Variants in CDH18 observed in about 807,000 individuals in gnomAD.
CDH18 encodes cadherin-18.
Under a neutral mutation model 67.9 loss-of-function variants are expected in CDH18, and 31 were observed. That is an observed-to-expected ratio of 0.46 (90% CI 0.34 to 0.62). The LOEUF (loss-of-function observed/expected upper bound fraction) is 0.62. Among genes scored for constraint, CDH18 ranks in the 20% least tolerant of loss-of-function variants. The pLI is 0.01. For missense variants in CDH18, 890 were observed against 975.5 expected, an observed-to-expected ratio of 0.91 and a Z score of 1.17; for synonymous variants, 362 against 347.2, an observed-to-expected ratio of 1.04 and a Z score of -0.48.
intron 1 of CDH18, among the ~76,000 whole-genome samples, chr5:20,260,202 G>T (rs1424949815): frequency 3.3e-5 from 5 of 151,336 alleles, no homozygotes; most frequent in African/African-American, 1.2e-4. Flanking sequence ...CAACACTTCT[G>T]AAATGCTGGA....
intron 2 of CDH18, among the ~76,000 whole-genome samples, chr5:19,903,617 CT>C (rs59678864): frequency 0.047 from 4,213 of 89,932 alleles, 163 homozygotes; most frequent in African/African-American, 0.13. Context: ...AGCAAAGTGG[CT>C]TTTTTTTTTT....
intron 3 of CDH18, among the ~76,000 whole-genome samples, chr5:19,762,989 A>G (rs1467696321): frequency 1.3e-5 from 2 of 152,188 alleles, no homozygotes; most frequent in African/African-American, 4.8e-5. Flanking sequence ...TCAGCAAACT[A>G]TTGCAAGAAC....
At chr5:19,912,059 A>G (rs952609062) in intron 2 of CDH18, among the ~76,000 whole-genome samples, 3 of 152,086 alleles carry the variant, frequency 2.0e-5, no homozygotes, top group East Asian at 3.9e-4. Context: ...TCTAGGTTAC[A>G]TGTTACTCTT....
chr5:19,749,363 CT>C (rs1401904803), intron 3 of CDH18, among the ~76,000 whole-genome samples: 1 of 151,270 alleles, frequency 6.6e-6, no homozygotes, highest in Non-Finnish European at 1.5e-5. Flanking sequence ...GTACTTATAA[CT>C]GTATAAAACA....
At chr5:20,430,953 A>G (rs1204458726) in intron 1 of CDH18, among the ~76,000 whole-genome samples, 2 of 152,188 alleles carry the variant, frequency 1.3e-5, no homozygotes, top group Admixed American at 1.3e-4. Context: ...AAGAATGACA[A>G]TACATTCCTG....
At chr5:19,553,742 G>A (rs114145326) in intron 8 of CDH18, among the ~76,000 whole-genome samples, 2,304 of 149,642 alleles carry the variant, frequency 0.015, 51 homozygotes, top group African/African-American at 0.053. Context: ...CTGGGCTCAA[G>A]TGATCCTCCC....
intron 2 of CDH18, among the ~76,000 whole-genome samples, chr5:20,063,366 ACT>A (rs1244994240): frequency 2.0e-5 from 3 of 151,982 alleles, no homozygotes; most frequent in African/African-American, 4.8e-5. Flanking sequence ...AATCTTATAA[ACT>A]CTGCATTTCA....
At chr5:19,628,063 C>T (rs946966345) in intron 5 of CDH18, among the ~76,000 whole-genome samples, 15 of 152,116 alleles carry the variant, frequency 9.9e-5, no homozygotes, top group Admixed American at 5.2e-4. Context: ...ATAATTCCCA[C>T]GTGTTGTGGG....
intron 2 of CDH18, among the ~76,000 whole-genome samples, chr5:20,078,743 C>T (rs980134673): frequency 7.2e-5 from 11 of 151,888 alleles, no homozygotes; most frequent in Admixed American, 2.6e-4. Context: ...GCTGGGACTA[C>T]AGGCTCCTGC....
intron 2 of CDH18, among the ~76,000 whole-genome samples, chr5:20,013,427 A>C (rs1341339996): frequency 6.6e-6 from 1 of 152,058 alleles, no homozygotes; most frequent in Non-Finnish European, 1.5e-5. Flanking sequence ...GTTGTAGCTC[A>C]AAAATAGGGC....
chr5:20,149,966 T>TTAA (rs1750973259), intron 2 of CDH18, among the ~76,000 whole-genome samples: 1 of 152,088 alleles, frequency 6.6e-6, no homozygotes, highest in Non-Finnish European at 1.5e-5. Context: ...CAATTCAGAG[T>TTAA]TGCCCACACA....
At chr5:19,562,557 A>G (rs1300867884) in intron 8 of CDH18, among the ~76,000 whole-genome samples, 1 of 152,160 alleles carries the variant, frequency 6.6e-6, no homozygotes, top group Non-Finnish European at 1.5e-5. Flanking sequence ...GGCTGAGAAA[A>G]TACTTTTAAT....
intron 1 of CDH18, among the ~76,000 whole-genome samples, chr5:20,467,076 A>C (rs1751681372): frequency 6.7e-6 from 1 of 149,778 alleles, no homozygotes; most frequent in African/African-American, 2.6e-5. Context: ...ATAAATGAAA[A>C]ATGGAAATAG....
intron 8 of CDH18, among the ~76,000 whole-genome samples, chr5:19,565,478 A>G (rs1210481649): frequency 2.0e-5 from 3 of 152,228 alleles, no homozygotes; most frequent in Non-Finnish European, 4.4e-5. Flanking sequence ...TCAGAGTCAC[A>G]GCATTACTGG....
chr5:19,852,981 T>C (rs945561320), intron 2 of CDH18, among the ~76,000 whole-genome samples: 35 of 151,996 alleles, frequency 2.3e-4, no homozygotes, highest in African/African-American at 8.0e-4. Context: ...TGAATTTTAC[T>C]AAAAAGCAAT....
chr5:20,004,054 G>A (rs1229136104), intron 2 of CDH18, among the ~76,000 whole-genome samples: 1 of 152,084 alleles, frequency 6.6e-6, no homozygotes, highest in African/African-American at 2.4e-5. Context: ...ACAGTGATAC[G>A]TGTGCTCTTA....
chr5:19,936,244 T>C (rs1212502841), intron 2 of CDH18, among the ~76,000 whole-genome samples: 1 of 151,316 alleles, frequency 6.6e-6, no homozygotes, highest in Non-Finnish European at 1.5e-5. Context: ...GTATAAAAAG[T>C]GCAACAGCCT....
intron 2 of CDH18, among the ~76,000 whole-genome samples, chr5:20,106,484 T>C (rs1430484982): frequency 1.3e-5 from 2 of 152,196 alleles, no homozygotes; most frequent in South Asian, 2.1e-4. Flanking sequence ...AACTAACAAA[T>C]GACACCTTAA....
At chr5:19,850,861 C>T (rs16888191) in intron 2 of CDH18, among the ~76,000 whole-genome samples, 1 of 151,752 alleles carries the variant, frequency 6.6e-6, no homozygotes, top group Non-Finnish European at 1.5e-5. Context: ...TTATTTGCAA[C>T]GTGCTGTACA....
Sources: gnomAD v4.1 joint callset for allele counts (sites outside exome capture counted in the v4.1 genomes callset) on GRCh38, gnomAD v4.1.1 for gene constraint, MANE v1.5 for transcripts, NCBI Gene and HGNC (gene_info 2026-07-23, HGNC 2026-07-21) for gene names.